ENPP6: variants seen among roughly 807,000 people sequenced by gnomAD.
ENPP6 encodes the protein glycerophosphocholine cholinephosphodiesterase ENPP6.
A neutral mutation model predicts 42.0 loss-of-function variants in ENPP6; 32 were observed. The ratio of observed to expected loss-of-function variants is 0.76; its 90% CI spans 0.58 to 1.02. The LOEUF is 1.02. Ranked by LOEUF, ENPP6 falls within the 50% of genes least tolerant of loss-of-function variation. The pLI, the probability that ENPP6 is intolerant of heterozygous loss-of-function variation, is 0.00. For synonymous variants in ENPP6, 213 were observed against 216.0 expected (o/e 0.99, Z 0.12); for missense variants, 552 against 566.8 (o/e 0.97, Z 0.27).
rs138480459 is a variant in ENPP6, at chr4:184,112,794, T to G, written c.871A>C (p.Ser291Arg). 6.2e-7 allele frequency: 1 copy of G among 1,613,682 alleles called. No individual in the cohort carries two copies. The highest frequency in any genetic ancestry group is 1.1e-5 in the South Asian group (1 of 90,858). Reference sequence around the variant, plus strand: ...TAGACAGTCATGTGTTCCACTGTGCTCAGTTTGTTATATATCTGCAAAGAA... The same window carrying G: ...TAGACAGTCATGTGTTCCACTGTGCGCAGTTTGTTATATATCTGCAAAGAA... ...GKHSEIYNKL[S>R]TVEHMTVYEK... The change falls in exon 6 of 8, where the codon AGC becomes CGC. Residue 291 changes from serine to arginine, a missense_variant. By Grantham distance (110) the Ser-to-Arg change is moderately radical. Transcript: ENST00000296741.
chr4:184,135,804 C>G lies in ENPP6; in HGVS notation c.422-11532G>C, dbSNP rs114112711. Among the ~76,000 whole-genome samples the G allele has an allele frequency of 6.2e-3, 947 of 152,248 alleles. 11 individuals carry two copies. Among genetic ancestry groups the G allele is most frequent in the African/African-American group, 0.021 (881 of 41,530 alleles). On this transcript the variant is annotated intron_variant, in intron 2 of 7. Transcript: ENST00000296741. ...TCACGTGTGGGCACCTTTTCATGCT[C>G]CCTTCTCATCACTGTTCACCCAAGG...
At chr4:184,165,507 C>G (rs1381120026) in intron 1 of ENPP6, among the ~76,000 whole-genome samples, 3 of 152,212 alleles carry the variant, frequency 2.0e-5, no homozygotes, top group Non-Finnish European at 2.9e-5. Flanking sequence ...TACAAATGAA[C>G]TCGTAAGTCA....
At chr4:184,116,749 C>T in intron 5 of ENPP6, 107 bp downstream of exon 5, 2 of 1,347,244 alleles carry the variant, frequency 1.5e-6, no homozygotes, top group Non-Finnish European at 2.0e-6. Context: ...AAGAAACAAA[C>T]ACACACACAC....
At position 184,162,678 on chromosome 4, in the gene ENPP6, G is replaced by A. The variant is rs541142711; in HGVS notation, c.242-8945C>T. Among the ~76,000 whole-genome samples, 30 of 152,306 alleles carry A rather than the reference G, an allele frequency of 2.0e-4. No homozygotes were observed. The South Asian group carries it at 6.2e-3, about 32-fold the overall frequency. Reference sequence around the variant, plus strand: ...AGGAATTAGGATAGTCCTCATGCCAGTAAAATGTGGCATTTTGCTATTCCC... The same window carrying A: ...AGGAATTAGGATAGTCCTCATGCCAATAAAATGTGGCATTTTGCTATTCCC... On this transcript the variant is annotated intron_variant, in intron 1 of 7. Coordinates refer to ENST00000296741, the MANE Select transcript of ENPP6 (RefSeq NM_153343.4).
intron 2 of ENPP6, among the ~76,000 whole-genome samples, chr4:184,149,707 G>A (rs950355676): frequency 6.6e-6 from 1 of 152,138 alleles, no homozygotes; most frequent in African/African-American, 2.4e-5. Context: ...ACTCCAAAGA[G>A]TTTTAAGCAC....
At position 184,089,161 on chromosome 4, in the gene ENPP6, G is replaced by C. The variant is rs1034083328; in HGVS notation, c.*2016C>G. 6.6e-5 allele frequency: 10 copies of C among 152,212 alleles called. No individual in the cohort carries two copies. The highest frequency in any genetic ancestry group is 1.3e-4 in the Admixed American group (2 of 15,284). The allele number at this position is 152,212 out of a possible 1,614,324, so 9.4% of individuals were successfully genotyped here. ...ATTTGTTTTCAGCTAGATAACAAAG[G>C]CTGAAGAGTTGCCTTCTTTCCAATT... On this transcript the variant is annotated 3_prime_UTR_variant, in exon 8 of 8. Transcript: ENST00000296741.
At chr4:184,164,339 T>C (rs1737316244) in intron 1 of ENPP6, among the ~76,000 whole-genome samples, 1 of 152,214 alleles carries the variant, frequency 6.6e-6, no homozygotes, top group Admixed American at 6.5e-5. Context: ...CCCAAAAACA[T>C]GTGTTGAAAT....
At chr4:184,092,255 G>T (rs962815299) in intron 7 of ENPP6, among the ~76,000 whole-genome samples, 1 of 151,918 alleles carries the variant, frequency 6.6e-6, no homozygotes, top group Non-Finnish European at 1.5e-5. Flanking sequence ...TAGCTCAGCA[G>T]CCATGGCGAT....
chr4:184,175,976 T>G (rs553494259), intron 1 of ENPP6, among the ~76,000 whole-genome samples: 3 of 152,172 alleles, frequency 2.0e-5, no homozygotes, highest in African/African-American at 7.2e-5. Context: ...TTTGTACAGA[T>G]GGAGGTCTCA....
rs576013610 is a variant in ENPP6, at chr4:184,181,620, G to A, written c.242-27887C>T. 1.2e-4 allele frequency among the ~76,000 whole-genome samples: 19 copies of A among 152,266 alleles called. No individual in the cohort carries two copies. In the South Asian group the frequency reaches 3.9e-3, roughly 32 times the overall value. On this transcript the variant is annotated intron_variant, in intron 1 of 7. Transcript: ENST00000296741. ...TACCTGACTTCAAACTATACTACAA[G>A]GCTACAGTAACCAAAACAGCATGAT...
intron 1 of ENPP6, among the ~76,000 whole-genome samples, chr4:184,163,619 C>T (rs1031277675): frequency 6.6e-6 from 1 of 152,232 alleles, no homozygotes; most frequent in African/African-American, 2.4e-5. Context: ...CTGGTTATAT[C>T]GCTGAACAAT....
chr4:184,106,853 G>A (rs1736106395), intron 6 of ENPP6, among the ~76,000 whole-genome samples: 1 of 152,238 alleles, frequency 6.6e-6, no homozygotes, highest in Non-Finnish European at 1.5e-5. Flanking sequence ...TCGGCACTCA[G>A]CACATATCTG....
rs1560987196 is a variant in ENPP6 at position 184,131,182 on chromosome 4, T to TG, written c.422-6911_422-6910insC. Among the ~76,000 whole-genome samples, 20 of 61,306 alleles carry TG rather than the reference T, an allele frequency of 3.3e-4. 2 individuals carry two copies. The highest frequency in any genetic ancestry group is 1.3e-3 in the African/African-American group (17 of 13,282). 40.2% of individuals were successfully genotyped at this position (61,306 alleles called of 152,430 possible). ...CTTTCTTTCTTTCTTTCTTTCTTTC[T>TG]TTCTTTCTTTCTTTCTTTCTTCTTT... is the stretch of plus-strand genomic sequence containing the variant. On this transcript the variant is annotated intron_variant, in intron 2 of 7. Transcript: ENST00000296741.
intron 2 of ENPP6, among the ~76,000 whole-genome samples, chr4:184,139,360 TTTA>T (rs1736782450): frequency 6.6e-6 from 1 of 151,828 alleles, no homozygotes; most frequent in Non-Finnish European, 1.5e-5. Context: ...TTTTTTTAAA[TTTA>T]TTATTATTAT....
chr4:184,146,209 G>A (rs1267432647), intron 2 of ENPP6, among the ~76,000 whole-genome samples: 8 of 151,856 alleles, frequency 5.3e-5, no homozygotes, highest in Admixed American at 1.3e-4. Flanking sequence ...GGGAGGAGTG[G>A]ATCATGAGGT....
At chr4:184,214,842 G>A (rs1038809348) in intron 1 of ENPP6, among the ~76,000 whole-genome samples, 2 of 152,138 alleles carry the variant, frequency 1.3e-5, no homozygotes, top group African/African-American at 2.4e-5. Flanking sequence ...AGGATCGGGG[G>A]CACAGGGAGG....
intron 1 of ENPP6, among the ~76,000 whole-genome samples, chr4:184,183,496 T>G (rs1732586602): frequency 1.4e-5 from 1 of 70,852 alleles, no homozygotes; most frequent in Non-Finnish European, 3.0e-5. Context: ...TGCACATGCA[T>G]GTATACACAC....
chr4:184,153,770 C>A, intron 1 of ENPP6, 37 bp from the exon 2 acceptor site: 1 of 1,585,186 alleles, frequency 6.3e-7, no homozygotes, highest in Non-Finnish European at 8.6e-7. Flanking sequence ...GTTTACGGTT[C>A]TGGTGGTTTC....
intron 1 of ENPP6, among the ~76,000 whole-genome samples, chr4:184,162,134 C>G (rs888182591): frequency 6.6e-6 from 1 of 152,134 alleles, no homozygotes; most frequent in Non-Finnish European, 1.5e-5. Flanking sequence ...ACCCAGCCTG[C>G]GCATCTCACT....
Sources: gnomAD v4.1 joint callset for allele counts (sites outside exome capture counted in the v4.1 genomes callset) on GRCh38, gnomAD v4.1.1 for gene constraint, MANE v1.5 for transcripts, NCBI Gene and HGNC (gene_info 2026-07-23, HGNC 2026-07-21) for gene names.